SLC5A3: variants seen among roughly 807,000 people sequenced by gnomAD.
SLC5A3 encodes solute carrier family 5 member 3.
SLC5A3 carries 10 observed loss-of-function variants against 43.2 expected under a neutral mutation model. The observed-to-expected ratio is 0.23, with a 90% CI of 0.14 to 0.39. SLC5A3 has a LOEUF of 0.39. Ranked by LOEUF, SLC5A3 falls within the 10% of genes least tolerant of loss-of-function variation. SLC5A3 has a pLI of 1.00. For missense variants in SLC5A3, 608 were observed against 893.4 expected, an observed-to-expected ratio of 0.68 and a Z score of 4.07; for synonymous variants, 349 against 322.0, an observed-to-expected ratio of 1.08 and a Z score of -0.90.
intron 1 of SLC5A3, among the ~76,000 whole-genome samples, chr21:34,080,130 C>T (rs1057094297): frequency 3.3e-5 from 5 of 152,120 alleles, no homozygotes; most frequent in African/African-American, 4.8e-5. Context: ...CCTGTAAATA[C>T]GCTTGTAGTG....
At position 34,095,237 on chromosome 21, in the gene SLC5A3, G is replaced by A; in HGVS notation, c.39G>A (p.Val13=). ...AVLDTADIAI[V]ALYFILVMCI... ...TGGACACAGCAGACATTGCCATAGT[G>A]GCCCTGTATTTTATCCTGGTCATGT... Residue 13 remains valine (V), a synonymous_variant, in exon 2 of 2, where the codon GTG becomes GTA. Transcript: ENST00000381151. 1 of 1,613,596 alleles carries A rather than the reference G, an allele frequency of 6.2e-7. No individual in the cohort carries two copies. Among genetic ancestry groups the A allele is most frequent in the East Asian group, 2.2e-5 (1 of 44,876 alleles).
At chr21:34,087,389 T>A (rs560391206) in intron 1 of SLC5A3, among the ~76,000 whole-genome samples, 66 of 152,350 alleles carry the variant, frequency 4.3e-4, no homozygotes, top group Non-Finnish European at 8.4e-4. Context: ...TTGATTTTTT[T>A]ATTTAACAAA....
At position 34,103,812 on chromosome 21, in the gene SLC5A3, A is replaced by G; in HGVS notation, c.*6457A>G. ...CACATTGATGGAGGGAGAGAATATA[A>G]ATGTCAAGAATGCCAAAATTATATT... On this transcript the variant is annotated 3_prime_UTR_variant, in exon 2 of 2. Coordinates refer to ENST00000381151, the MANE Select transcript of SLC5A3 (RefSeq NM_006933.7). The G allele has an allele frequency of 1.0e-6, 1 of 1,000,142 alleles. No individual in the cohort carries two copies. Among genetic ancestry groups the G allele is most frequent in the Non-Finnish European group, 1.2e-6 (1 of 829,948 alleles). 62.0% of individuals were successfully genotyped at this position (1,000,142 alleles called of 1,614,324 possible). A position where few individuals can be genotyped will look rare whatever the true frequency, so the allele number is the denominator to read the frequency against.
chr21:34,102,893 A>T lies in SLC5A3; in HGVS notation c.*5538A>T. ...AATACATATTACAGTGAATTCGACA[A>T]CCGCACAAGTTGGCAGTAGGTATCC... is the stretch of plus-strand genomic sequence containing the variant. On this transcript the variant is annotated 3_prime_UTR_variant, in exon 2 of 2. Transcript: ENST00000381151. 3.0e-6 allele frequency: 3 copies of T among 999,810 alleles called. No individual in the cohort carries two copies. The highest frequency in any genetic ancestry group is 3.6e-6 in the Non-Finnish European group (3 of 829,924). The allele number at this position is 999,810 out of a possible 1,614,324, so 61.9% of individuals were successfully genotyped here. A position where few individuals can be genotyped will look rare whatever the true frequency, so the allele number is the denominator to read the frequency against.
rs1240336494 is a variant in SLC5A3 at position 34,101,916 on chromosome 21, A to G, written c.*4561A>G. ...GATCATTTATGTGAGCCCCTTTGAA[A>G]TGATGGTGTCAGAGTGCAGAGAAAC... On this transcript the variant is annotated 3_prime_UTR_variant, in exon 2 of 2. Coordinates refer to ENST00000381151, the MANE Select transcript of SLC5A3 (RefSeq NM_006933.7). 2.0e-6 allele frequency: 2 copies of G among 1,000,096 alleles called. No individual in the cohort carries two copies. Among genetic ancestry groups the G allele is most frequent in the Admixed American group, 6.2e-5 (1 of 16,248 alleles). 62.0% of individuals were successfully genotyped at this position (1,000,096 alleles called of 1,614,324 possible).
chr21:34,097,546 G>C lies in SLC5A3; in HGVS notation c.*191G>C. 1 of 1,379,392 alleles carries C rather than the reference G, an allele frequency of 7.2e-7. No individual in the cohort carries two copies. The highest frequency in any genetic ancestry group is 9.4e-7 in the Non-Finnish European group (1 of 1,064,230). 85.4% of individuals were successfully genotyped at this position (1,379,392 alleles called of 1,614,324 possible). A position where few individuals can be genotyped will look rare whatever the true frequency, so the allele number is the denominator to read the frequency against. ...GGATTAAAGTAAATCTTCAACTTAA[G>C]TGAAGCCAAACCTAACAGACTGAAT... On this transcript the variant is annotated 3_prime_UTR_variant, in exon 2 of 2. Transcript: ENST00000381151.
Position 34,073,659 on chromosome 21 carries a change from G to C in SLC5A3, c.-423G>C, listed in dbSNP as rs1348378540. 7 of 1,509,312 alleles carry C rather than the reference G, an allele frequency of 4.6e-6. No homozygotes were observed. Among genetic ancestry groups the C allele is most frequent in the Non-Finnish European group, 5.4e-6 (6 of 1,119,788 alleles). The allele number at this position is 1,509,312 out of a possible 1,614,324, so 93.5% of individuals were successfully genotyped here. ...GCCGTCCCGCCCCTTCGCGTCCCGG[G>C]AACCGGCTGGCTTCCGAGCCGCACT... On this transcript the variant is annotated 5_prime_UTR_variant, in exon 1 of 2. Coordinates refer to ENST00000381151, the MANE Select transcript of SLC5A3 (RefSeq NM_006933.7).
chr21:34,099,994 GTCTTAAGC>G lies in SLC5A3; in HGVS notation c.*2641_*2648del. On this transcript the variant is annotated 3_prime_UTR_variant, in exon 2 of 2. Coordinates refer to ENST00000381151, the MANE Select transcript of SLC5A3 (RefSeq NM_006933.7). ...TTCCTGGAATGATCATACATGGACT[GTCTTAAGC>G]TAGCAAAATGTTCATACTTTACACT... The G allele has an allele frequency of 1.6e-6, 1 of 645,036 alleles. No homozygotes were observed. Among genetic ancestry groups the G allele is most frequent in the South Asian group, 7.0e-5 (1 of 14,278 alleles). The allele number at this position is 645,036 out of a possible 1,614,324, so 40.0% of individuals were successfully genotyped here. A position where few individuals can be genotyped will look rare whatever the true frequency, so the allele number is the denominator to read the frequency against.
At position 34,096,209 on chromosome 21, in the gene SLC5A3, G is replaced by A. The variant is rs1260725273; in HGVS notation, c.1011G>A (p.Met337Ile). The A allele has an allele frequency of 6.2e-7, 1 of 1,614,174 alleles. No homozygotes were observed. The highest frequency in any genetic ancestry group is 8.5e-7 in the Non-Finnish European group (1 of 1,180,018). The change falls in exon 2 of 2, where the codon ATG (methionine) becomes ATA (isoleucine). Residue 337 changes from methionine to isoleucine, a missense_variant. Around this residue, in one of 2 missense-constraint regions of SLC5A3, gnomAD observed 398 missense variants for 668.6 expected, o/e 0.60. Coordinates refer to ENST00000381151, the MANE Select transcript of SLC5A3 (RefSeq NM_006933.7). The surrounding 1 kb of genome is among the most constrained non-coding windows in gnomAD (Gnocchi z 5.9). ...CTTGCATCAACCCAGAGCACTGCAT[G>A]CTGGTGTGTGGAAGCAGAGCTGGTT... ...DIACINPEHC[M>I]LVCGSRAGCS...
Position 34,078,101 on chromosome 21 carries a change from G to A in SLC5A3, c.-337+4356G>A, listed in dbSNP as rs143591043. Among the ~76,000 whole-genome samples the A allele has an allele frequency of 1.1e-3, 167 of 152,200 alleles. 1 individual carries two copies. The Middle Eastern group carries it at 0.02, about 19-fold the overall frequency. On this transcript the variant is annotated intron_variant, in intron 1 of 1. Coordinates refer to ENST00000381151, the MANE Select transcript of SLC5A3 (RefSeq NM_006933.7). ...GTGAAGTTTCTGCTGTGTGTTGGTG[G>A]GAGACATCAGTTCAAACGGAAACAT...
Position 34,095,581 on chromosome 21 carries a change from C to G in SLC5A3, c.383C>G (p.Ala128Gly), listed in dbSNP as rs370993290. 5.4e-5 allele frequency: 87 copies of G among 1,613,358 alleles called. No individual in the cohort carries two copies. The highest frequency in any genetic ancestry group is 7.0e-5 in the Non-Finnish European group (83 of 1,179,918). The change falls in exon 2 of 2, where the codon GCC (alanine) becomes GGC (glycine). Residue 128 changes from alanine (A) to glycine (G), a missense_variant. Coordinates refer to ENST00000381151, the MANE Select transcript of SLC5A3 (RefSeq NM_006933.7). The stretch of plus-strand genomic sequence containing the variant: ...CATAGGATTCAGGTCTATTTTGCAG[C>G]CTTGTCTCTGATTCTCTATATTTTC... ...GGHRIQVYFA[A>G]LSLILYIFTK...
chr21:34,075,091 C>T (rs1989295142), intron 1 of SLC5A3, among the ~76,000 whole-genome samples: 1 of 152,212 alleles, frequency 6.6e-6, no homozygotes, highest in Admixed American at 6.5e-5. Flanking sequence ...AGGATAGGAG[C>T]AGTGAAAACA....
At chr21:34,084,002 C>A (rs1408862208) in intron 1 of SLC5A3, among the ~76,000 whole-genome samples, 3 of 152,146 alleles carry the variant, frequency 2.0e-5, no homozygotes, top group Non-Finnish European at 2.9e-5. Context: ...AGAGGAAAAT[C>A]CAGCTGCCTT....
At position 34,100,024 on chromosome 21, in the gene SLC5A3, C is replaced by A; in HGVS notation, c.*2669C>A. ...AAGCTAGCAAAATGTTCATACTTTA[C>A]ACTGACTAAATGGGTCCTAAATGAT... is the stretch of plus-strand genomic sequence containing the variant. On this transcript the variant is annotated 3_prime_UTR_variant, in exon 2 of 2. Transcript: ENST00000381151. 1 of 895,690 alleles carries A rather than the reference C, an allele frequency of 1.1e-6. No individual in the cohort carries two copies. Among genetic ancestry groups the A allele is most frequent in the Non-Finnish European group, 1.4e-6 (1 of 734,608 alleles). 55.5% of individuals were successfully genotyped at this position (895,690 alleles called of 1,614,324 possible).
chr21:34,089,839 C>T (rs559671577), intron 1 of SLC5A3, among the ~76,000 whole-genome samples: 103 of 152,192 alleles, frequency 6.8e-4, no homozygotes, highest in African/African-American at 2.5e-3. Context: ...CTTGAGGGTG[C>T]AAGTTTAATA....
In SLC5A3 at chr21:34,097,030, A is replaced by C; in HGVS notation, c.1832A>C (p.Glu611Ala). The change falls in exon 2 of 2, where the codon GAG becomes GCG. Residue 611 changes from glutamate (E) to alanine (A), a missense_variant. Glu to Ala is a moderately radical substitution (Grantham distance 107). Coordinates refer to ENST00000381151, the MANE Select transcript of SLC5A3 (RefSeq NM_006933.7). ...EDVNLLVTCREEGNPVASLGH... is the reference protein window; with the variant it reads ...EDVNLLVTCRAEGNPVASLGH... ...GTTAATCTGTTGGTAACCTGCAGAG[A>C]GGAGGGCAACCCAGTGGCATCCTTA... 1 of 1,614,128 alleles carries C rather than the reference A, an allele frequency of 6.2e-7. No individual in the cohort carries two copies. The highest frequency in any genetic ancestry group is 8.5e-7 in the Non-Finnish European group (1 of 1,179,992).
Position 34,103,330 on chromosome 21 carries a change from AAC to A in SLC5A3, c.*5977_*5978del. ...GTGAAGGAAGTAAAAAAAAAAAAAA[AAC>A]ATGCATTACATTGACATACTTTATG... is the stretch of plus-strand genomic sequence containing the variant. On this transcript the variant is annotated 3_prime_UTR_variant, in exon 2 of 2. Coordinates refer to ENST00000381151, the MANE Select transcript of SLC5A3 (RefSeq NM_006933.7). The A allele has an allele frequency of 2.0e-6, 2 of 997,920 alleles. No homozygotes were observed. The highest frequency in any genetic ancestry group is 1.7e-5 in the African/African-American group (1 of 57,202). 61.8% of individuals were successfully genotyped at this position (997,920 alleles called of 1,614,324 possible).
Position 34,098,256 on chromosome 21 carries a change from A to G in SLC5A3, c.*901A>G. On this transcript the variant is annotated 3_prime_UTR_variant, in exon 2 of 2. Transcript: ENST00000381151. ...TATATTCTGCTAATTTTCTAGCTTT[A>G]TTCTTGTTATTTGGAAAAATTATTA... The G allele has an allele frequency of 2.0e-6, 2 of 999,864 alleles. No individual in the cohort carries two copies. The highest frequency in any genetic ancestry group is 2.4e-6 in the Non-Finnish European group (2 of 829,788). 61.9% of individuals were successfully genotyped at this position (999,864 alleles called of 1,614,324 possible). A position where few individuals can be genotyped will look rare whatever the true frequency, so the allele number is the denominator to read the frequency against.
rs115103162 is a variant in SLC5A3 at position 34,093,541 on chromosome 21, C to T, written c.-336-1322C>T. The stretch of plus-strand genomic sequence containing the variant: ...TTTGAACGGTTTTGAGAAGAGGTAG[C>T]TTTAGTATAATTTATAGGACTTAAA... On this transcript the variant is annotated intron_variant, in intron 1 of 1. Coordinates refer to ENST00000381151, the MANE Select transcript of SLC5A3 (RefSeq NM_006933.7). Among the ~76,000 whole-genome samples the T allele has an allele frequency of 1.1e-3, 160 of 152,070 alleles. 1 individual carries two copies. Among genetic ancestry groups the T allele is most frequent in the African/African-American group, 3.7e-3 (154 of 41,446 alleles).
Sources: allele counts gnomAD v4.1 joint callset (sites outside exome capture counted in the v4.1 genomes callset), GRCh38; gene constraint gnomAD v4.1.1; regional missense constraint gnomAD v4.1.1; non-coding constraint Gnocchi (gnomAD v3.1); transcripts MANE v1.5; gene names NCBI Gene and HGNC (gene_info 2026-07-23, HGNC 2026-07-21).